RSRC1: variants seen among roughly 807,000 people sequenced by gnomAD.
The protein encoded by RSRC1 is serine/Arginine-related protein 53.
A neutral mutation model predicts 49.1 loss-of-function variants in RSRC1; 39 were observed. That is an observed-to-expected ratio of 0.79 (90% confidence interval 0.61 to 1.04). The LOEUF (loss-of-function observed/expected upper bound fraction) is 1.04. Ranked by LOEUF, RSRC1 falls within the 50% of genes least tolerant of loss-of-function variation. The pLI is 0.00. For missense variants in RSRC1, 388 were observed against 402.4 expected (o/e 0.96, Z 0.31); for synonymous variants, 143 against 130.8 (o/e 1.09, Z -0.63).
At chr3:158,499,801 C>T (rs377266562) in intron 7 of RSRC1, among the ~76,000 whole-genome samples, 6 of 152,224 alleles carry the variant, frequency 3.9e-5, no homozygotes, top group East Asian at 3.9e-4. Context: ...TTGATCATAT[C>T]GTCAGCAAAC....
At chr3:158,339,252 A>G (rs930037590) in intron 5 of RSRC1, among the ~76,000 whole-genome samples, 2 of 143,182 alleles carry the variant, frequency 1.4e-5, no homozygotes, top group Non-Finnish European at 3.0e-5. Flanking sequence ...AGATTGCGCC[A>G]CTGCAGTCCG....
chr3:158,203,948 A>T (rs141764769), intron 4 of RSRC1, among the ~76,000 whole-genome samples: 40 of 152,288 alleles, frequency 2.6e-4, no homozygotes, highest in African/African-American at 9.4e-4. Context: ...AATTTACAGC[A>T]TCTTGTTTGT....
intron 3 of RSRC1, among the ~76,000 whole-genome samples, chr3:158,159,932 CGTGT>C (rs568359235): frequency 1.3e-5 from 2 of 151,926 alleles, no homozygotes; most frequent in Non-Finnish European, 2.9e-5. Context: ...TGGGTGTGTG[CGTGT>C]GTGTGAGTGT....
chr3:158,341,988 C>G (rs991313726), intron 5 of RSRC1, among the ~76,000 whole-genome samples: 3 of 152,158 alleles, frequency 2.0e-5, no homozygotes, highest in African/African-American at 7.2e-5. Context: ...CCCTGTAACC[C>G]CTTTCTTTTG....
At chr3:158,402,422 A>G (rs186733387) in intron 6 of RSRC1, among the ~76,000 whole-genome samples, 1 of 151,976 alleles carries the variant, frequency 6.6e-6, no homozygotes, top group Non-Finnish European at 1.5e-5. Flanking sequence ...ATCAATATTC[A>G]AAAAGTTAAG....
intron 3 of RSRC1, among the ~76,000 whole-genome samples, chr3:158,178,307 T>A (rs1719367451): frequency 6.6e-6 from 1 of 151,902 alleles, no homozygotes; most frequent in South Asian, 2.1e-4. Context: ...CCCAGCAAAT[T>A]TTTGTATTTT....
intron 3 of RSRC1, among the ~76,000 whole-genome samples, chr3:158,135,022 A>G (rs577598443): frequency 1.1e-3 from 173 of 152,286 alleles, no homozygotes; most frequent in African/African-American, 4.0e-3. Context: ...AGCTTTTTAT[A>G]AAGATTCTGG....
chr3:158,371,301 G>T (rs1479396285), intron 6 of RSRC1, among the ~76,000 whole-genome samples: 1 of 151,416 alleles, frequency 6.6e-6, no homozygotes, highest in East Asian at 1.9e-4. Flanking sequence ...TTTAATTTTC[G>T]ACAAATGCAA....
chr3:158,432,333 G>C (rs1735808552), intron 6 of RSRC1, among the ~76,000 whole-genome samples: 2 of 152,092 alleles, frequency 1.3e-5, no homozygotes, highest in South Asian at 4.1e-4. Context: ...GCAAAGTGAT[G>C]AAAATAAGCA....
chr3:158,533,729 C>G (rs1212019927), intron 7 of RSRC1, among the ~76,000 whole-genome samples: 1 of 151,594 alleles, frequency 6.6e-6, no homozygotes, highest in East Asian at 1.9e-4. Flanking sequence ...TGAAATAATT[C>G]TAGTGAAATT....
intron 7 of RSRC1, among the ~76,000 whole-genome samples, chr3:158,464,834 C>T (rs1242163142): frequency 6.6e-6 from 1 of 151,990 alleles, no homozygotes; most frequent in Non-Finnish European, 1.5e-5. Context: ...GAAACAAAGG[C>T]ACAGTGCTTA....
intron 7 of RSRC1, among the ~76,000 whole-genome samples, chr3:158,494,296 T>G (rs2108450820): frequency 6.6e-6 from 1 of 152,274 alleles, no homozygotes; most frequent in Middle Eastern, 3.4e-3. Context: ...TCTCAAAACA[T>G]AGAAAAGTTT....
At chr3:158,329,855 G>C (rs1447193305) in intron 5 of RSRC1, among the ~76,000 whole-genome samples, 2 of 152,200 alleles carry the variant, frequency 1.3e-5, no homozygotes, top group African/African-American at 2.4e-5. Flanking sequence ...AGGCAGGCAG[G>C]CCTCCTTGAG....
chr3:158,269,632 C>T (rs1578266090), intron 4 of RSRC1, among the ~76,000 whole-genome samples: 1 of 152,094 alleles, frequency 6.6e-6, no homozygotes, highest in African/African-American at 2.4e-5. Context: ...CCTGCCTCAG[C>T]CTCCCGAGTA....
intron 4 of RSRC1, among the ~76,000 whole-genome samples, chr3:158,246,736 C>G (rs1201269667): frequency 6.6e-6 from 1 of 152,124 alleles, no homozygotes; most frequent in African/African-American, 2.4e-5. Context: ...TGTAGGGTTT[C>G]TGCTGAGAGG....
chr3:158,288,612 A>T (rs908449145), intron 4 of RSRC1, among the ~76,000 whole-genome samples: 1 of 152,118 alleles, frequency 6.6e-6, no homozygotes, highest in African/African-American at 2.4e-5. Context: ...TATCTGTGGG[A>T]TATTGATTCC....
chr3:158,339,269 G>A (rs1578359397), intron 5 of RSRC1, among the ~76,000 whole-genome samples: 1 of 140,366 alleles, frequency 7.1e-6, no homozygotes, highest in East Asian at 2.1e-4. Context: ...TCCGCAGTCC[G>A]GCCTGGGCGA....
chr3:158,110,521 C>T (rs1714307802), intron 1 of RSRC1: 1 of 152,788 alleles, frequency 6.5e-6, no homozygotes, highest in Non-Finnish European at 1.5e-5. Context: ...TCCCCTCGCC[C>T]CACGTTCCTG....
At chr3:158,180,611 C>T (rs1421339649) in intron 3 of RSRC1, among the ~76,000 whole-genome samples, 1 of 150,836 alleles carries the variant, frequency 6.6e-6, no homozygotes, top group Non-Finnish European at 1.5e-5. Flanking sequence ...TACAGATGTG[C>T]CTCTAGACCA....
Sources: gnomAD v4.1 joint callset for allele counts (sites outside exome capture counted in the v4.1 genomes callset) on GRCh38, gnomAD v4.1.1 for gene constraint, MANE v1.5 for transcripts, NCBI Gene and HGNC (gene_info 2026-07-23, HGNC 2026-07-21) for gene names.